Variants in SIPA1L3 observed in about 807,000 individuals in gnomAD.
The protein encoded by SIPA1L3 is signal induced proliferation associated 1 like 3.
Under a neutral mutation model 150.1 loss-of-function variants are expected in SIPA1L3, and 59 were observed. The ratio of observed to expected loss-of-function variants is 0.39; its 90% confidence interval spans 0.32 to 0.49. The LOEUF (loss-of-function observed/expected upper bound fraction) is 0.49. Ranked by LOEUF, SIPA1L3 falls within the 20% of genes least tolerant of loss-of-function variation. SIPA1L3 has a pLI of 0.86. For missense variants in SIPA1L3, 2,211 were observed against 2,489.5 expected (o/e 0.89, Z 2.38); for synonymous variants, 1,070 against 1,077.6 (o/e 0.99, Z 0.14).
chr19:38,132,540 T>C (rs1228809127), intron 10 of SIPA1L3, among the ~76,000 whole-genome samples: 2 of 142,396 alleles, frequency 1.4e-5, no homozygotes, highest in Admixed American at 1.5e-4. Context: ...GCTGAGATCG[T>C]GCCATTGCAC....
At position 38,022,903 on chromosome 19, in the gene SIPA1L3, T is replaced by G. The variant is rs113107058; in HGVS notation, c.-378-6186T>G. On this transcript the variant is annotated intron_variant, in intron 1 of 21. Transcript: ENST00000222345. ...GTGAAGTTTGTCACTGAGGTTACCC[T>G]CTCTTCATCTTTACAAGAAGTTGCC... Among the ~76,000 whole-genome samples the G allele has an allele frequency of 7.0e-3, 1,069 of 152,292 alleles. 6 individuals are homozygous for G. Among genetic ancestry groups the G allele is most frequent in the African/African-American group, 0.025 (1,027 of 41,542 alleles).
rs1969052564 is a variant in SIPA1L3, at chr19:38,046,159, G to T, written c.-311+17003G>T. On this transcript the variant is annotated intron_variant, in intron 2 of 21. Transcript: ENST00000222345. This position sits in a 1 kb window ranked among gnomAD's most constrained non-coding sequence, Gnocchi z 5.6. ...AGAGGAGCTTTCTATAGACGAGAAG[G>T]TGCCCTGGTTCTCGACTCATCAGCC... Among the ~76,000 whole-genome samples the T allele has an allele frequency of 6.6e-6, 1 of 152,020 alleles. No homozygotes were observed. The highest frequency in any genetic ancestry group is 1.5e-5 in the Non-Finnish European group (1 of 68,024).
intron 1 of SIPA1L3, among the ~76,000 whole-genome samples, chr19:37,946,384 C>T (rs1406926852): frequency 3.9e-5 from 6 of 152,072 alleles, no homozygotes; most frequent in Non-Finnish European, 7.4e-5. Flanking sequence ...CCTCCCCCAT[C>T]GGCCTCCCAA....
At chr19:38,203,825 G>A in intron 20 of SIPA1L3, 1 of 358,794 alleles carries the variant, frequency 2.8e-6, no homozygotes, top group South Asian at 4.5e-5. Context: ...CGAAGAAGGG[G>A]TCCTCCCTGA....
At chr19:38,190,596 A>T (rs1972786910) in intron 16 of SIPA1L3, among the ~76,000 whole-genome samples, 1 of 152,180 alleles carries the variant, frequency 6.6e-6, no homozygotes, top group East Asian at 1.9e-4. Flanking sequence ...GGAACCCAAG[A>T]CATCTTATTT....
At chr19:38,094,650 C>T (rs1970336684) in intron 4 of SIPA1L3, among the ~76,000 whole-genome samples, 1 of 152,166 alleles carries the variant, frequency 6.6e-6, no homozygotes, top group Non-Finnish European at 1.5e-5. Context: ...ATTTAAAACT[C>T]AGCTAGGTGC....
At chr19:37,955,629 T>C (rs918094260) in intron 1 of SIPA1L3, among the ~76,000 whole-genome samples, 4 of 152,210 alleles carry the variant, frequency 2.6e-5, no homozygotes, top group African/African-American at 9.6e-5. Flanking sequence ...ATACAGTATG[T>C]AGTCTTTTCT....
intron 19 of SIPA1L3, chr19:38,201,054 C>G (rs1288116407): frequency 1.3e-5 from 2 of 152,800 alleles, no homozygotes; most frequent in Non-Finnish European, 2.9e-5. Context: ...AGCTGCTTGC[C>G]TCTGGGGCTG....
chr19:38,017,068 T>C (rs571867998), intron 1 of SIPA1L3, among the ~76,000 whole-genome samples: 19 of 151,344 alleles, frequency 1.3e-4, no homozygotes, highest in Admixed American at 9.2e-4. Context: ...GGCTAATTTT[T>C]CCATTTTTGA....
rs902218818 is a variant in SIPA1L3, at chr19:38,084,635, C to CTT, written c.1534+1554_1534+1555dup. On this transcript the variant is annotated intron_variant, in intron 3 of 21. Transcript: ENST00000222345. ...TTTTTTTTGTTGTTTTTTTCTTTTT[C>CTT]TTTTTTTTTTTTTTTTTTTGAGGCA... Among the ~76,000 whole-genome samples the CTT allele has an allele frequency of 2.4e-3, 255 of 104,486 alleles. 2 individuals are homozygous for CTT. Among genetic ancestry groups the CTT allele is most frequent in the African/African-American group, 8.0e-3 (207 of 25,902 alleles). The allele number at this position is 104,486 out of a possible 152,430, so 68.5% of individuals were successfully genotyped here. A position where few individuals can be genotyped will look rare whatever the true frequency, so the allele number is the denominator to read the frequency against.
chr19:38,188,428 A>G (rs1600189542), intron 16 of SIPA1L3, among the ~76,000 whole-genome samples: 3 of 151,462 alleles, frequency 2.0e-5, no homozygotes, highest in Non-Finnish European at 2.9e-5. Flanking sequence ...CAAGTGTTCC[A>G]CCTGCCTTGG....
intron 1 of SIPA1L3, among the ~76,000 whole-genome samples, chr19:37,971,132 T>TTTTG (rs565725956): frequency 2.3e-4 from 35 of 152,180 alleles, no homozygotes; most frequent in East Asian, 2.1e-3. Flanking sequence ...CCATGCTTTT[T>TTTTG]TTTGTTTGTT....
At chr19:37,987,103 T>A (rs1311706718) in intron 1 of SIPA1L3, among the ~76,000 whole-genome samples, 1 of 151,966 alleles carries the variant, frequency 6.6e-6, no homozygotes, top group African/African-American at 2.4e-5. Flanking sequence ...AATTTTCGAA[T>A]TTTTTGTAGA....
chr19:38,100,735 C>T (rs965639467), intron 5 of SIPA1L3, among the ~76,000 whole-genome samples: 145 of 152,350 alleles, frequency 9.5e-4, no homozygotes, highest in African/African-American at 3.4e-3. Context: ...CATCCCAGTC[C>T]ACCTACTGTG....
intron 12 of SIPA1L3, among the ~76,000 whole-genome samples, chr19:38,149,743 G>T (rs1243603193): frequency 2.0e-5 from 3 of 152,132 alleles, no homozygotes; most frequent in Non-Finnish European, 4.4e-5. Context: ...AGTTATGTGT[G>T]GCACCTCCAC....
In SIPA1L3 at chr19:38,193,562, G is replaced by A. The variant is rs768501438; in HGVS notation, c.4622G>A (p.Arg1541Gln). The A allele has an allele frequency of 2.3e-5, 35 of 1,519,254 alleles. No individual in the cohort carries two copies. Among genetic ancestry groups the A allele is most frequent in the Middle Eastern group, 1.8e-4 (1 of 5,690 alleles). 94.1% of individuals were successfully genotyped at this position (1,519,254 alleles called of 1,614,324 possible). A position where few individuals can be genotyped will look rare whatever the true frequency, so the allele number is the denominator to read the frequency against. The change falls in exon 18 of 22, where the codon CGG (arginine) becomes CAG (glutamine). Residue 1541 changes from arginine to glutamine, a missense_variant. Arg to Gln is a conservative substitution (Grantham distance 43, BLOSUM62 1). This residue lies in a region of SIPA1L3 where 806 missense variants were observed against 870.1 expected (regional missense o/e 0.93). Coordinates refer to ENST00000222345, the MANE Select transcript of SIPA1L3 (RefSeq NM_015073.3). The stretch of plus-strand genomic sequence containing the variant: ...CAGTCACCGCAGAAGGGCCTGCAGC[G>A]GACGCTGTCGGACGAGAGCCTGTGC... Reference protein sequence around the residue: ...TGQSPQKGLQRTLSDESLCSG... With the variant: ...TGQSPQKGLQQTLSDESLCSG...
At chr19:37,980,621 A>AG (rs1434750884) in intron 1 of SIPA1L3, among the ~76,000 whole-genome samples, 1 of 151,942 alleles carries the variant, frequency 6.6e-6, no homozygotes, top group Non-Finnish European at 1.5e-5. Context: ...GCCAGGGAGG[A>AG]GGGGGCCCGT....
At chr19:38,149,309 A>G (rs1221752741) in intron 12 of SIPA1L3, among the ~76,000 whole-genome samples, 1 of 152,130 alleles carries the variant, frequency 6.6e-6, no homozygotes, top group Non-Finnish European at 1.5e-5. Context: ...GAAAGAGAAT[A>G]TCGCTTGAAC....
chr19:37,991,051 G>A (rs1967494543), intron 1 of SIPA1L3, among the ~76,000 whole-genome samples: 1 of 152,104 alleles, frequency 6.6e-6, no homozygotes, highest in African/African-American at 2.4e-5. Context: ...TGGCCAAGAT[G>A]GTGAAAACCT....
Sources: allele counts gnomAD v4.1 joint callset (sites outside exome capture counted in the v4.1 genomes callset), GRCh38; gene constraint gnomAD v4.1.1; regional missense constraint gnomAD v4.1.1; non-coding constraint Gnocchi (gnomAD v3.1); transcripts MANE v1.5; gene names NCBI Gene and HGNC (gene_info 2026-07-23, HGNC 2026-07-21).